The following MYH7B variants were observed in gnomAD, a reference collection of about 807,000 sequenced individuals.
The protein encoded by MYH7B is myosin heavy chain 7B, also known as myosin-7B.
A neutral mutation model predicts 234.5 loss-of-function variants in MYH7B; 205 were observed. The ratio of observed to expected loss-of-function variants is 0.87; its 90% CI spans 0.78 to 0.98. The LOEUF (loss-of-function observed/expected upper bound fraction) is 0.98, where lower values mean the gene tolerates loss of function less well. MYH7B is among the 50% of genes least tolerant of loss of function. The pLI is 0.00. For synonymous variants in MYH7B, 1,193 were observed against 1,105.0 expected (o/e 1.08, Z -1.58); for missense variants, 2,652 against 2,633.4 (o/e 1.01, Z -0.15).
intron 2 of MYH7B, among the ~76,000 whole-genome samples, chr20:34,964,357 C>T (rs2081724272): frequency 1.3e-5 from 2 of 152,182 alleles, no homozygotes; most frequent in Non-Finnish European, 2.9e-5. Context: ...TGCATGAAAG[C>T]AGAAGGGGCC....
chr20:34,992,098 C>A (rs910167618), intron 24 of MYH7B, among the ~76,000 whole-genome samples: 37 of 152,208 alleles, frequency 2.4e-4, no homozygotes, highest in Admixed American at 2.0e-4. Context: ...AATTTCCCCC[C>A]AAATGGGCTG....
chr20:34,968,685 A>G (rs932517991), intron 2 of MYH7B, among the ~76,000 whole-genome samples: 3 of 152,200 alleles, frequency 2.0e-5, no homozygotes, highest in Non-Finnish European at 4.4e-5. Context: ...CTGGGGGTAC[A>G]TCTTCTACCC....
chr20:34,973,561 CTGCCT>C (rs2081813026), intron 2 of MYH7B, among the ~76,000 whole-genome samples: 1 of 152,206 alleles, frequency 6.6e-6, no homozygotes, highest in Admixed American at 6.5e-5. Flanking sequence ...TGGTCGACCT[CTGCCT>C]GAGTCTTCCT....
Position 34,999,366 on chromosome 20 carries a change from G to A in MYH7B, c.4501G>A (p.Ala1501Thr), listed in dbSNP as rs530047217. The change falls in exon 36 of 45, where the codon GCC becomes ACC. Residue 1501 changes from alanine (A) to threonine (T), a missense_variant. Coordinates refer to ENST00000262873, the Ensembl canonical transcript of MYH7B. ...GCACGGCCACGAGGAGGCACTTGAAGCCCTGGAGACGCTCAAGCGGGAGAA... is the reference window on the plus strand; with the variant it reads ...GCACGGCCACGAGGAGGCACTTGAAACCCTGGAGACGCTCAAGCGGGAGAA... 6.3e-5 allele frequency: 97 copies of A among 1,538,270 alleles called. No individual in the cohort carries two copies. The East Asian group carries it at 1.9e-3, about 30-fold the overall frequency.
Position 34,962,613 on chromosome 20 carries a change from A to G in MYH7B, c.-222+4401A>G, listed in dbSNP as rs569776318. Among the ~76,000 whole-genome samples the G allele has an allele frequency of 4.6e-5, 7 of 151,148 alleles. No homozygotes were observed. The South Asian group carries it at 1.5e-3, about 32-fold the overall frequency. On this transcript the variant is annotated intron_variant, in intron 2 of 44. Coordinates refer to ENST00000262873, the Ensembl canonical transcript of MYH7B. ...CTCATATGCTCTTTAATTTTGTTTT[A>G]TTTTATTTTAAATTTAAATTTATTT...
intron 28 of MYH7B, 112 bp downstream of exon 28, chr20:34,995,690 G>A: frequency 6.8e-7 from 1 of 1,465,196 alleles, no homozygotes; most frequent in Non-Finnish European, 9.1e-7. Context: ...CTGGCCCTGG[G>A]CATGTCACTG....
chr20:35,001,274 A>C, exon 42 of MYH7B: 1 of 1,612,704 alleles, frequency 6.2e-7, no homozygotes, highest in East Asian at 2.2e-5. Context: ...AGCTTGATGC[A>C]GAGCAGAAGA....
intron 13 of MYH7B, 78 bp downstream of exon 13, chr20:34,985,207 A>C: frequency 7.2e-7 from 1 of 1,390,092 alleles, no homozygotes; most frequent in African/African-American, 1.4e-5. Flanking sequence ...TGTCATCACG[A>C]CTTCTGGGCT....
chr20:34,993,313 T>A, intron 25 of MYH7B, 21 bp from the exon 26 acceptor site: 2 of 1,614,078 alleles, frequency 1.2e-6, no homozygotes, highest in Non-Finnish European at 1.7e-6. Context: ...TTACCCTGGC[T>A]GTCTACCTCT....
rs1404187526 is a variant in MYH7B, at chr20:34,972,018, C to T, written c.-221-3382C>T. The stretch of plus-strand genomic sequence containing the variant: ...AGTTCTAGGTCATGCTGTCCATTTC[C>T]TGTCCCCTCTTGCCACCTCCATGCC... On this transcript the variant is annotated intron_variant, in intron 2 of 44. Coordinates refer to ENST00000262873, the Ensembl canonical transcript of MYH7B. Among the ~76,000 whole-genome samples, 3 of 152,274 alleles carry T rather than the reference C, an allele frequency of 2.0e-5. No individual in the cohort carries two copies. In the East Asian group the frequency reaches 5.8e-4, roughly 29 times the overall value.
intron 27 of MYH7B, 152 bp from the exon 28 acceptor site, chr20:34,995,184 A>G: frequency 1.3e-6 from 1 of 752,190 alleles, no homozygotes; most frequent in East Asian, 2.7e-5. Flanking sequence ...TTGCCCTTCC[A>G]TGCCCAAGAG....
chr20:34,990,147 G>A lies in MYH7B; in HGVS notation c.1900+1G>A. The A allele has an allele frequency of 6.2e-7, 1 of 1,614,074 alleles. No homozygotes were observed. The highest frequency in any genetic ancestry group is 8.5e-7 in the Non-Finnish European group (1 of 1,180,036). On this transcript the variant is annotated splice_donor_variant, in intron 21 of 44. Coordinates refer to ENST00000262873, the Ensembl canonical transcript of MYH7B. LOFTEE classifies it high-confidence loss of function. ...GAGAATTATGCGGGCTCCTGCTCCA[G>A]TGAGTATGGAGGGACAAGATCTCCA...
Position 34,982,313 on chromosome 20 carries a change from G to A in MYH7B, c.528-146G>A, listed in dbSNP as rs1295038791. ...GGGATGGTCTACACTGGCTTGCTTT[G>A]TACACCTCTGAGGGTTGATCCATCC... On this transcript the variant is annotated intron_variant, in intron 9 of 44. Coordinates refer to ENST00000262873, the Ensembl canonical transcript of MYH7B. The A allele has an allele frequency of 1.2e-5, 8 of 687,664 alleles. No homozygotes were observed. In the East Asian group the frequency reaches 2.2e-4, roughly 19 times the overall value. 42.6% of individuals were successfully genotyped at this position (687,664 alleles called of 1,614,324 possible).
chr20:34,992,769 C>T (rs569783572), intron 24 of MYH7B, among the ~76,000 whole-genome samples: 75 of 152,218 alleles, frequency 4.9e-4, no homozygotes, highest in African/African-American at 1.8e-3. Flanking sequence ...AGGGTTTCAC[C>T]ATGTTGCCCA....
intron 24 of MYH7B, 71 bp downstream of exon 24, chr20:34,991,192 A>T: frequency 9.5e-7 from 1 of 1,050,850 alleles, no homozygotes; most frequent in South Asian, 1.5e-5. Flanking sequence ...CACACATATC[A>T]GAGCCCAACA....
intron 27 of MYH7B, among the ~76,000 whole-genome samples, chr20:34,994,925 T>C (rs1248256106): frequency 6.6e-6 from 1 of 152,166 alleles, no homozygotes; most frequent in East Asian, 1.9e-4. Context: ...CAGGAGACTG[T>C]GACGCAGCTG....
At chr20:35,001,396 C>T in intron 42 of MYH7B, 35 bp from the exon 43 acceptor site, 1 of 1,593,238 alleles carries the variant, frequency 6.3e-7, no homozygotes, top group South Asian at 1.1e-5. Context: ...GCTGGCCCAG[C>T]CCAAGCAAGC....
At chr20:34,988,389 T>G (rs1368426955) in intron 19 of MYH7B, 127 bp downstream of exon 19, 53 of 1,055,164 alleles carry the variant, frequency 5.0e-5, no homozygotes, top group Non-Finnish European at 6.9e-5. Flanking sequence ...TGCGTTGCAG[T>G]AAGCATGCAT....
Position 34,977,931 on chromosome 20 carries a change from C to T in MYH7B, c.-72-3C>T, listed in dbSNP as rs752029114. On this transcript the variant is annotated splice_polypyrimidine_tract_variant and splice_region_variant and intron_variant, in intron 4 of 44. Transcript: ENST00000262873. ...CAGCTCCCTTGTCACTGCCATCTTC[C>T]AGTGCCTGCTGCCTTGGGCCGCCTT... 1.2e-6 allele frequency: 2 copies of T among 1,613,474 alleles called. No individual in the cohort carries two copies. Among genetic ancestry groups the T allele is most frequent in the South Asian group, 2.2e-5 (2 of 91,068 alleles).
Sources: allele counts gnomAD v4.1 joint callset (sites outside exome capture counted in the v4.1 genomes callset), GRCh38; gene constraint gnomAD v4.1.1; transcripts MANE v1.5; gene names NCBI Gene and HGNC (gene_info 2026-07-23, HGNC 2026-07-21).